The following PLSCR5 variants were observed in gnomAD, a reference collection of about 807,000 sequenced individuals.
PLSCR5 encodes phospholipid scramblase family, member 5.
In PLSCR5, 44 loss-of-function variants were observed where a neutral mutation model predicts 33.6. The observed-to-expected ratio is 1.31, with a 90% CI of 1.03 to 1.69. PLSCR5 has a LOEUF of 1.69. PLSCR5 is among the 40% of genes most tolerant of loss of function. PLSCR5 has a pLI of 0.00. For missense variants in PLSCR5, 375 were observed against 318.7 expected, an observed-to-expected ratio of 1.18 and a Z score of -1.34; for synonymous variants, 148 against 112.3, an observed-to-expected ratio of 1.32 and a Z score of -2.01.
At chr3:146,595,422 A>T (rs1462323384) in intron 2 of PLSCR5, among the ~76,000 whole-genome samples, 1 of 152,160 alleles carries the variant, frequency 6.6e-6, no homozygotes, top group Non-Finnish European at 1.5e-5. Flanking sequence ...GTTCGAGACC[A>T]GTCTGTGCAA....
intron 7 of PLSCR5, among the ~76,000 whole-genome samples, chr3:146,577,054 A>G (rs2044603197): frequency 6.6e-6 from 1 of 152,124 alleles, no homozygotes; most frequent in Non-Finnish European, 1.5e-5. Context: ...TAATTGGTAC[A>G]GAATGAGGTC....
intron 5 of PLSCR5, among the ~76,000 whole-genome samples, chr3:146,590,800 C>G (rs1329506638): frequency 6.6e-6 from 1 of 151,940 alleles, no homozygotes; most frequent in Non-Finnish European, 1.5e-5. Context: ...GTCCTGAGAA[C>G]TAAATGCCCT....
chr3:146,596,588 C>T (rs115217998), intron 2 of PLSCR5, among the ~76,000 whole-genome samples: 101 of 152,260 alleles, frequency 6.6e-4, no homozygotes, highest in African/African-American at 2.0e-3. Context: ...TATTTTCTAA[C>T]GCTTCATTTT....
chr3:146,602,619 A>C lies in PLSCR5; in HGVS notation c.14-2156T>G, dbSNP rs144813242. 7.2e-5 allele frequency among the ~76,000 whole-genome samples: 11 copies of C among 152,188 alleles called. No individual in the cohort carries two copies. In the East Asian group the frequency reaches 2.1e-3, roughly 29 times the overall value. ...TACTTCACTGCACATATTATCTCTC[A>C]ATTAAAAACCATGTGTAGGGATTAA... On this transcript the variant is annotated intron_variant, in intron 1 of 7. Transcript: ENST00000443512.
downstream of PLSCR5, among the ~76,000 whole-genome samples, chr3:146,583,007 C>T (rs900857203): frequency 6.6e-6 from 1 of 151,838 alleles, no homozygotes; most frequent in African/African-American, 2.4e-5. Flanking sequence ...CGTTTGTATC[C>T]CCAACCAATC....
At chr3:146,594,184 G>C in intron 3 of PLSCR5, 44 bp from the exon 4 acceptor site, 10 of 1,425,868 alleles carry the variant, frequency 7.0e-6, no homozygotes, top group Non-Finnish European at 9.8e-6. Flanking sequence ...TTTTTCCTTA[G>C]TATTGATAAC....
chr3:146,579,568 T>C (rs1051364555), intron 7 of PLSCR5, among the ~76,000 whole-genome samples: 2 of 152,224 alleles, frequency 1.3e-5, no homozygotes, highest in African/African-American at 4.8e-5. Context: ...CCCTCTTTTG[T>C]AGGAAAGTCT....
Position 146,585,948 on chromosome 3 carries a change from A to T in PLSCR5, c.*45-6T>A. 2 of 1,049,640 alleles carry T rather than the reference A, an allele frequency of 1.9e-6. No homozygotes were observed. Among genetic ancestry groups the T allele is most frequent in the Non-Finnish European group, 2.6e-6 (2 of 770,888 alleles). 65.0% of individuals were successfully genotyped at this position (1,049,640 alleles called of 1,614,324 possible). A position where few individuals can be genotyped will look rare whatever the true frequency, so the allele number is the denominator to read the frequency against. On this transcript the variant is annotated splice_region_variant and splice_polypyrimidine_tract_variant and intron_variant, in intron 7 of 7. Transcript: ENST00000443512. ...ATCCAGAGCCCAAGGGATTTCTAGAAGAAAATGAAAAAGAGTTAGATAGCG... is the reference window on the plus strand; with the variant it reads ...ATCCAGAGCCCAAGGGATTTCTAGATGAAAATGAAAAAGAGTTAGATAGCG...
Position 146,605,315 on chromosome 3 carries a change from C to A in PLSCR5, c.-103G>T. 6.3e-7 allele frequency: 1 copy of A among 1,587,676 alleles called. No homozygotes were observed. Among genetic ancestry groups the A allele is most frequent in the Non-Finnish European group, 8.6e-7 (1 of 1,166,264 alleles). ...ACGCAGCATGCACAAAACTTCAGAA[C>A]GTGTTTGTCTGCCTCTTGTCAGCTT... On this transcript the variant is annotated 5_prime_UTR_variant, in exon 1 of 8. Coordinates refer to ENST00000443512, the MANE Select transcript of PLSCR5 (RefSeq NM_001085420.2).
downstream of PLSCR5, among the ~76,000 whole-genome samples, chr3:146,583,085 C>T (rs1421854049): frequency 6.6e-6 from 1 of 152,042 alleles, no homozygotes; most frequent in Admixed American, 6.6e-5. Flanking sequence ...TTCAAATGTT[C>T]AGGGAGGCTG....
At chr3:146,593,022 G>T (rs1345384361) in intron 4 of PLSCR5, among the ~76,000 whole-genome samples, 1 of 151,990 alleles carries the variant, frequency 6.6e-6, no homozygotes, top group Non-Finnish European at 1.5e-5. Context: ...TTTGATATAT[G>T]TTATTAGAAA....
chr3:146,603,959 C>G (rs546809093), intron 1 of PLSCR5, among the ~76,000 whole-genome samples: 28 of 152,118 alleles, frequency 1.8e-4, no homozygotes, highest in South Asian at 4.1e-4. Context: ...GACTGAGGGA[C>G]TGGTCTACAT....
chr3:146,593,827 G>A, intron 4 of PLSCR5, 93 bp downstream of exon 4: 1 of 1,149,384 alleles, frequency 8.7e-7, no homozygotes, highest in Non-Finnish European at 1.3e-6. Context: ...ACAACTGGCA[G>A]GTTAATTGCC....
chr3:146,581,313 T>C (rs1393734663), downstream of PLSCR5, among the ~76,000 whole-genome samples: 2 of 152,230 alleles, frequency 1.3e-5, no homozygotes, highest in Non-Finnish European at 2.9e-5. Flanking sequence ...AGTGGTAGAT[T>C]CCTTGTCAAT....
At chr3:146,598,497 T>C (rs1272953443) in intron 2 of PLSCR5, among the ~76,000 whole-genome samples, 1 of 152,186 alleles carries the variant, frequency 6.6e-6, no homozygotes, top group African/African-American at 2.4e-5. Context: ...TTAACAAAGG[T>C]ATATTTTTGG....
chr3:146,589,986 TCA>T, intron 5 of PLSCR5, 172 bp from the exon 6 acceptor site: 1 of 440,860 alleles, frequency 2.3e-6, no homozygotes, highest in Non-Finnish European at 3.8e-6. Flanking sequence ...ATTTAGCTTT[TCA>T]GTTTACTTTT....
chr3:146,587,847 C>G (rs956178073), intron 6 of PLSCR5, among the ~76,000 whole-genome samples: 40 of 151,112 alleles, frequency 2.6e-4, no homozygotes, highest in African/African-American at 9.8e-4. Context: ...TCCTAATATA[C>G]ATACTTGTAT....
chr3:146,582,357 G>A (rs1370571575), downstream of PLSCR5, among the ~76,000 whole-genome samples: 1 of 152,186 alleles, frequency 6.6e-6, no homozygotes, highest in Non-Finnish European at 1.5e-5. Flanking sequence ...TGTGCAGTAA[G>A]GGGAACAAAG....
intron 7 of PLSCR5, among the ~76,000 whole-genome samples, chr3:146,579,821 C>T (rs970509539): frequency 2.0e-5 from 3 of 152,190 alleles, no homozygotes; most frequent in Non-Finnish European, 4.4e-5. Flanking sequence ...ACGTGGGGCA[C>T]AGCTGAGTGG....
Sources: gnomAD v4.1 joint callset for allele counts (sites outside exome capture counted in the v4.1 genomes callset) on GRCh38, gnomAD v4.1.1 for gene constraint, MANE v1.5 for transcripts, NCBI Gene and HGNC (gene_info 2026-07-23, HGNC 2026-07-21) for gene names.